QRICH1: variants seen among roughly 807,000 people sequenced by gnomAD.
The protein encoded by QRICH1 is transcriptional regulator QRICH1.
Under a neutral mutation model 87.1 loss-of-function variants are expected in QRICH1, and 16 were observed. The ratio of observed to expected loss-of-function variants is 0.18; its 90% CI spans 0.12 to 0.28. QRICH1 has a LOEUF of 0.28. Ranked by LOEUF, QRICH1 falls within the 10% of genes least tolerant of loss-of-function variation. The probability of loss-of-function intolerance (pLI) is 1.00; values close to 1 mark genes in which losing one functional copy is unlikely to be tolerated. For missense variants in QRICH1, 647 were observed against 951.7 expected (o/e 0.68, Z 4.21); for synonymous variants, 367 against 368.4 (o/e 1.00, Z 0.05).
intron 3 of QRICH1, among the ~76,000 whole-genome samples, 178 bp from the exon 4 acceptor site, chr3:49,047,424 C>T (rs567289680): frequency 1.8e-4 from 27 of 151,450 alleles, no homozygotes; most frequent in African/African-American, 6.1e-4. Context: ...ACAGCAAAAG[C>T]AGCACTGCAA....
At chr3:49,070,229 G>A (rs374445062) in intron 2 of QRICH1, among the ~76,000 whole-genome samples, 3 of 151,698 alleles carry the variant, frequency 2.0e-5, no homozygotes, top group Admixed American at 1.3e-4. Flanking sequence ...GCAGAGATGA[G>A]GTTTCACCAT....
chr3:49,083,524 C>T (rs1449366618), intron 1 of QRICH1: 1 of 152,048 alleles, frequency 6.6e-6, no homozygotes, highest in East Asian at 1.9e-4. Flanking sequence ...ACAGTGAGAT[C>T]CCATCTCTTA....
At chr3:49,043,382 G>C (rs2093321669) in intron 6 of QRICH1, among the ~76,000 whole-genome samples, 1 of 150,418 alleles carries the variant, frequency 6.6e-6, no homozygotes, top group Non-Finnish European at 1.5e-5. Context: ...TGTAATCCCA[G>C]CTACTTGGGA....
chr3:49,073,383 A>C (rs1040352365), intron 2 of QRICH1, among the ~76,000 whole-genome samples: 1 of 151,854 alleles, frequency 6.6e-6, no homozygotes, highest in Non-Finnish European at 1.5e-5. Context: ...TCTACTAAAA[A>C]TACAAAAATT....
At chr3:49,050,310 C>A (rs1404459951) in intron 3 of QRICH1, among the ~76,000 whole-genome samples, 1 of 143,344 alleles carries the variant, frequency 7.0e-6, no homozygotes, top group African/African-American at 2.6e-5. Context: ...GTAATCCCAG[C>A]TACTTGGGAG....
intron 2 of QRICH1, among the ~76,000 whole-genome samples, chr3:49,058,554 G>A (rs1178699996): frequency 6.6e-6 from 1 of 152,150 alleles, no homozygotes; most frequent in Non-Finnish European, 1.5e-5. Context: ...TTGAACTCCT[G>A]ACCTCAACTG....
intron 1 of QRICH1, among the ~76,000 whole-genome samples, chr3:49,080,075 T>A (rs2042029751): frequency 6.6e-6 from 1 of 151,604 alleles, no homozygotes; most frequent in South Asian, 2.1e-4. Context: ...CCGGTAACAT[T>A]AGAAAGTTAT....
chr3:49,048,624 TA>T lies in QRICH1; in HGVS notation c.1339-1379del, dbSNP rs1455293914. Among the ~76,000 whole-genome samples, 4 of 150,370 alleles carry T rather than the reference TA, an allele frequency of 2.7e-5. No individual in the cohort carries two copies. The East Asian group carries it at 8.1e-4, about 31-fold the overall frequency. On this transcript the variant is annotated intron_variant, in intron 3 of 9. Transcript: ENST00000395443. ...TAACACGGTGAAACCCCATCTCTACTAAAATACAAAAAAATCAGCCGGGTGT... is the reference window on the plus strand; with the variant it reads ...TAACACGGTGAAACCCCATCTCTACTAAATACAAAAAAATCAGCCGGGTGT...
intron 2 of QRICH1, among the ~76,000 whole-genome samples, chr3:49,067,638 G>A (rs1332914506): frequency 1.3e-5 from 2 of 151,286 alleles, no homozygotes; most frequent in Non-Finnish European, 2.9e-5. Context: ...ATTTATATAA[G>A]AGCCAAGCTT....
At chr3:49,065,703 C>A (rs1221220344) in intron 2 of QRICH1, among the ~76,000 whole-genome samples, 1 of 148,900 alleles carries the variant, frequency 6.7e-6, no homozygotes, top group Non-Finnish European at 1.5e-5. Flanking sequence ...TTTTTTGAGA[C>A]GGAGTCTCCC....
chr3:49,037,865 G>A (rs150688733), intron 6 of QRICH1, among the ~76,000 whole-genome samples: 239 of 152,106 alleles, frequency 1.6e-3, no homozygotes, highest in African/African-American at 5.2e-3. Flanking sequence ...TGTAATCCCA[G>A]CTACTCAGGA....
At chr3:49,050,990 C>T (rs2093367227) in intron 3 of QRICH1, among the ~76,000 whole-genome samples, 1 of 152,190 alleles carries the variant, frequency 6.6e-6, no homozygotes, top group Non-Finnish European at 1.5e-5. Context: ...AAAAGTTTGT[C>T]ACCAATTACC....
intron 3 of QRICH1, among the ~76,000 whole-genome samples, chr3:49,051,201 C>A (rs1222057327): frequency 6.6e-6 from 1 of 152,166 alleles, no homozygotes; most frequent in African/African-American, 2.4e-5. Context: ...CCACTACCAG[C>A]AATACCACCC....
intron 6 of QRICH1, among the ~76,000 whole-genome samples, chr3:49,040,531 C>A (rs1445371813): frequency 6.6e-6 from 1 of 152,228 alleles, no homozygotes; most frequent in African/African-American, 2.4e-5. Flanking sequence ...GTGCAAGCTC[C>A]ATTTTCTTCA....
intron 1 of QRICH1, among the ~76,000 whole-genome samples, chr3:49,079,849 C>T (rs1175880460): frequency 6.6e-6 from 1 of 151,962 alleles, no homozygotes; most frequent in Non-Finnish European, 1.5e-5. Context: ...GCCAACAAGG[C>T]GAAACCCTGT....
In QRICH1 at chr3:49,030,519, G is replaced by A. The variant is rs745961172; in HGVS notation, c.2264C>T (p.Thr755Met). 91 of 1,613,988 alleles carry A rather than the reference G, an allele frequency of 5.6e-5. No homozygotes were observed. Among genetic ancestry groups the A allele is most frequent in the Non-Finnish European group, 6.8e-5 (80 of 1,180,032 alleles). Residue 755 changes from threonine (T) to methionine (M), a missense_variant, in exon 10 of 10, where the codon ACG becomes ATG. By Grantham distance (81) the Thr-to-Met change is moderately conservative (BLOSUM62 -1). Coordinates refer to ENST00000395443, the MANE Select transcript of QRICH1 (RefSeq NM_198880.3). ...ISREQMGQML[T>M]RILVIREIQE... ...AATTTCTCTTATCACCAGGATCCGCGTCAGCATTTGTCCCATCTGCTCTCT... is the reference window on the plus strand; with the variant it reads ...AATTTCTCTTATCACCAGGATCCGCATCAGCATTTGTCCCATCTGCTCTCT...
chr3:49,042,603 G>A (rs953451892), intron 6 of QRICH1, among the ~76,000 whole-genome samples: 17 of 151,464 alleles, frequency 1.1e-4, no homozygotes, highest in East Asian at 2.0e-4. Flanking sequence ...AGACGGAGTC[G>A]CGCTCTGTCA....
intron 6 of QRICH1, among the ~76,000 whole-genome samples, chr3:49,039,581 A>G (rs1285897758): frequency 7.0e-6 from 1 of 143,178 alleles, no homozygotes; most frequent in Non-Finnish European, 1.5e-5. Context: ...AGATTGCACC[A>G]CTGCACTCCA....
At chr3:49,090,589 C>T (rs1273060895) in intron 1 of QRICH1, among the ~76,000 whole-genome samples, 1 of 147,046 alleles carries the variant, frequency 6.8e-6, no homozygotes, top group South Asian at 2.1e-4. Context: ...AATCGTGCTA[C>T]TGCACTCCAG....
Sources: gnomAD v4.1 joint callset for allele counts (sites outside exome capture counted in the v4.1 genomes callset) on GRCh38, gnomAD v4.1.1 for gene constraint, MANE v1.5 for transcripts, NCBI Gene and HGNC (gene_info 2026-07-23, HGNC 2026-07-21) for gene names.